LHX4: variants seen among roughly 807,000 people sequenced by gnomAD.
The protein encoded by LHX4 is LIM/homeobox protein Lhx4.
Under a neutral mutation model 39.2 loss-of-function variants are expected in LHX4, and 16 were observed. That is an observed-to-expected ratio of 0.41 (90% CI 0.28 to 0.62). The LOEUF (loss-of-function observed/expected upper bound fraction) is 0.62. Ranked by LOEUF, LHX4 falls within the 20% of genes least tolerant of loss-of-function variation. The pLI, the probability that LHX4 is intolerant of heterozygous loss-of-function variation, is 0.33. For missense variants in LHX4, 439 were observed against 511.9 expected, an observed-to-expected ratio of 0.86 and a Z score of 1.37; for synonymous variants, 206 against 198.1, an observed-to-expected ratio of 1.04 and a Z score of -0.33.
At chr1:180,259,226 A>G (rs958851648) in intron 2 of LHX4, among the ~76,000 whole-genome samples, 1 of 152,060 alleles carries the variant, frequency 6.6e-6, no homozygotes, top group African/African-American at 2.4e-5. Context: ...AGGGGAGCTG[A>G]CCGCTGGGCT....
chr1:180,255,870 C>A (rs1408406193), intron 2 of LHX4, among the ~76,000 whole-genome samples: 5 of 152,238 alleles, frequency 3.3e-5, no homozygotes, highest in Non-Finnish European at 7.3e-5. Flanking sequence ...TTTGGAATCA[C>A]CTAGCTGCAA....
At chr1:180,247,130 C>T (rs993174315) in intron 1 of LHX4, among the ~76,000 whole-genome samples, 1 of 152,174 alleles carries the variant, frequency 6.6e-6, no homozygotes, top group Non-Finnish European at 1.5e-5. Context: ...GTTTGTTCAT[C>T]CAACCACGGA....
intron 3 of LHX4, among the ~76,000 whole-genome samples, chr1:180,267,502 C>T (rs1176162379): frequency 1.3e-5 from 2 of 152,272 alleles, no homozygotes; most frequent in African/African-American, 2.4e-5. Context: ...ATTCCTGCAG[C>T]CCTACCTCTG....
At chr1:180,236,554 C>A (rs549992267) in intron 1 of LHX4, among the ~76,000 whole-genome samples, 2 of 152,302 alleles carry the variant, frequency 1.3e-5, no homozygotes, top group Admixed American at 6.5e-5. Context: ...ATTAACTGTT[C>A]TTTCTATTAC....
Position 180,248,417 on chromosome 1 carries a change from C to G in LHX4, c.209C>G (p.Ser70Cys), listed in dbSNP as rs764284184. ...ATGCAGCTGGCGGACAGGTGCTTCTCCAGGGCTGGGAGCGTCTACTGCAAG... is the reference window on the plus strand; with the variant it reads ...ATGCAGCTGGCGGACAGGTGCTTCTGCAGGGCTGGGAGCGTCTACTGCAAG... The part of the protein sequence containing the change: ...CQMQLADRCF[S>C]RAGSVYCKED... The change falls in exon 2 of 6, where the codon TCC (serine) becomes TGC (cysteine). Residue 70 changes from serine to cysteine, a missense_variant. Coordinates refer to ENST00000263726, the MANE Select transcript of LHX4 (RefSeq NM_033343.4). 2.5e-6 allele frequency: 4 copies of G among 1,614,224 alleles called. No homozygotes were observed. The highest frequency in any genetic ancestry group is 3.4e-6 in the Non-Finnish European group (4 of 1,180,048).
rs1313079050 is a variant in LHX4 at position 180,230,468 on chromosome 1, C to T, written c.-62C>T. The T allele has an allele frequency of 5.1e-6, 7 of 1,380,858 alleles. No homozygotes were observed. The highest frequency in any genetic ancestry group is 3.5e-5 in the South Asian group (3 of 84,742). 85.5% of individuals were successfully genotyped at this position (1,380,858 alleles called of 1,614,324 possible). A position where few individuals can be genotyped will look rare whatever the true frequency, so the allele number is the denominator to read the frequency against. ...AATTATTATTTTGAAATTTCTGAAT[C>T]GAGCTAGAGCGAGAGAGCGAGAGAT... On this transcript the variant is annotated 5_prime_UTR_variant, in exon 1 of 6. It introduces an in-frame stop codon into an upstream open reading frame of the 5' UTR. Transcript: ENST00000263726. This position sits in a 1 kb window ranked among gnomAD's most constrained non-coding sequence, Gnocchi z 5.8.
At chr1:180,248,067 G>A (rs1647457485) in intron 1 of LHX4, among the ~76,000 whole-genome samples, 1 of 152,198 alleles carries the variant, frequency 6.6e-6, no homozygotes, top group South Asian at 2.1e-4. Context: ...CCACAGCCTG[G>A]CCAGCAAAGC....
intron 5 of LHX4, among the ~76,000 whole-genome samples, chr1:180,272,306 T>A (rs541165257): frequency 2.0e-5 from 3 of 152,226 alleles, no homozygotes; most frequent in East Asian, 1.9e-4. Context: ...CCCACACAGC[T>A]ATGAACAGAT....
chr1:180,237,263 G>T (rs1031317633), intron 1 of LHX4, among the ~76,000 whole-genome samples: 6 of 152,182 alleles, frequency 3.9e-5, no homozygotes, highest in Non-Finnish European at 5.9e-5. Flanking sequence ...GCTGCACCGT[G>T]GTGGAGCCAT....
At chr1:180,229,473 C>T (rs1236221351), upstream of LHX4, among the ~76,000 whole-genome samples, 1 of 152,158 alleles carries the variant, frequency 6.6e-6, no homozygotes, top group Non-Finnish European at 1.5e-5. Context: ...TGGTCCCCTT[C>T]CCCAGCCCGG....
At chr1:180,251,141 C>T (rs906998791) in intron 2 of LHX4, among the ~76,000 whole-genome samples, 1 of 152,258 alleles carries the variant, frequency 6.6e-6, no homozygotes, top group African/African-American at 2.4e-5. Flanking sequence ...CAGGCCAGGG[C>T]CTGCCCCTTC....
At chr1:180,264,377 TAACAC>T (rs1297396883) in intron 2 of LHX4, among the ~76,000 whole-genome samples, 1 of 61,660 alleles carries the variant, frequency 1.6e-5, no homozygotes, top group Non-Finnish European at 3.0e-5. Flanking sequence ...CACACACACA[TAACAC>T]ACACACACAC....
At chr1:180,256,969 A>G (rs775965462) in intron 2 of LHX4, among the ~76,000 whole-genome samples, 1 of 152,224 alleles carries the variant, frequency 6.6e-6, no homozygotes, top group Non-Finnish European at 1.5e-5. Context: ...TGTGGTTTGA[A>G]TGAGATGCCT....
chr1:180,257,808 A>G (rs1043069741), intron 2 of LHX4, among the ~76,000 whole-genome samples: 4 of 152,286 alleles, frequency 2.6e-5, no homozygotes, highest in Non-Finnish European at 2.9e-5. Flanking sequence ...GGAGGCTGAC[A>G]TGGGTCCTGG....
At chr1:180,259,930 A>G (rs843997) in intron 2 of LHX4, among the ~76,000 whole-genome samples, 4,812 of 151,390 alleles carry the variant, frequency 0.032, 353 homozygotes, top group African/African-American at 0.11. Flanking sequence ...TGGTAACAAC[A>G]AGGTCTGGGG....
chr1:180,254,353 G>T (rs1384610450), intron 2 of LHX4, among the ~76,000 whole-genome samples: 3 of 152,236 alleles, frequency 2.0e-5, no homozygotes, highest in Non-Finnish European at 4.4e-5. Context: ...CGGCTGCTGG[G>T]CCAGGCCAGG....
chr1:180,232,926 C>T lies in LHX4; in HGVS notation c.76+2321C>T, dbSNP rs1279591775. 6.6e-6 allele frequency among the ~76,000 whole-genome samples: 1 copy of T among 152,182 alleles called. No individual in the cohort carries two copies. The highest frequency in any genetic ancestry group is 2.4e-5 in the African/African-American group (1 of 41,454). On this transcript the variant is annotated intron_variant, in intron 1 of 5. Transcript: ENST00000263726. This position sits in a 1 kb window ranked among gnomAD's most constrained non-coding sequence, Gnocchi z 5.4. ...GAGGGGAGACAAAAGAAACGCTCTC[C>T]CACAGGGGTCCCTCCAGTCGCCAAC...
At chr1:180,248,837 C>G (rs532222936) in intron 2 of LHX4, 3 of 320,586 alleles carry the variant, frequency 9.4e-6, no homozygotes, top group East Asian at 1.6e-4. Flanking sequence ...TTGTAACATT[C>G]CCACAACTTT....
chr1:180,230,276 A>C lies in LHX4; in HGVS notation c.-254A>C. The C allele has an allele frequency of 1.8e-6, 1 of 560,928 alleles. No homozygotes were observed. 34.7% of individuals were successfully genotyped at this position (560,928 alleles called of 1,614,324 possible). ...GAGGAAAAAAGCCAGAGCTGCAGCA[A>C]CAGCGTCTCAACCTGGGATGTGCAC... On this transcript the variant is annotated 5_prime_UTR_variant, in exon 1 of 6. Transcript: ENST00000263726. The surrounding 1 kb of genome is among the most constrained non-coding windows in gnomAD (Gnocchi z 5.8).
Sources: gnomAD v4.1 joint callset for allele counts (sites outside exome capture counted in the v4.1 genomes callset) on GRCh38, gnomAD v4.1.1 for gene constraint, Gnocchi (gnomAD v3.1) non-coding constraint, MANE v1.5 for transcripts, NCBI Gene and HGNC (gene_info 2026-07-23, HGNC 2026-07-21) for gene names.